The following UNC13B variants were observed in gnomAD, a reference collection of about 807,000 sequenced individuals.
UNC13B encodes protein unc-13 homolog B.
Under a neutral mutation model 211.0 loss-of-function variants are expected in UNC13B, and 144 were observed. That is an observed-to-expected ratio of 0.68 (90% confidence interval 0.60 to 0.78). The LOEUF (loss-of-function observed/expected upper bound fraction) is 0.78, where lower values mean the gene tolerates loss of function less well. Among genes scored for constraint, UNC13B ranks in the 30% least tolerant of loss-of-function variants. The pLI is 0.00. For missense variants in UNC13B, 1,777 were observed against 2,002.0 expected (o/e 0.89, Z 2.14); for synonymous variants, 709 against 725.8 (o/e 0.98, Z 0.37).
rs116766712 is a variant in UNC13B, at chr9:35,383,917, C to A, written c.10807-329C>A. On this transcript the variant is annotated intron_variant, in intron 21 of 39. Transcript: ENST00000635942. Reference sequence around the variant, plus strand: ...CTTCTTATCTAACTAAGATAAGTTACAGTCCCAAAGGTATAGAGATGCACT... The same window carrying A: ...CTTCTTATCTAACTAAGATAAGTTAAAGTCCCAAAGGTATAGAGATGCACT... Among the ~76,000 whole-genome samples the A allele has an allele frequency of 3.7e-3, 570 of 152,282 alleles. 4 individuals carry two copies. The highest frequency in any genetic ancestry group is 0.013 in the African/African-American group (549 of 41,542).
At chr9:35,355,922 C>T (rs973258541) in intron 11 of UNC13B, among the ~76,000 whole-genome samples, 5 of 152,216 alleles carry the variant, frequency 3.3e-5, no homozygotes, top group African/African-American at 1.2e-4. Flanking sequence ...GATGAGGACA[C>T]TTGTGTCTAA....
chr9:35,268,925 T>C (rs981660135), intron 7 of UNC13B, among the ~76,000 whole-genome samples: 1 of 152,204 alleles, frequency 6.6e-6, no homozygotes, highest in Admixed American at 6.5e-5. Context: ...TGCAAAATGA[T>C]GATTTTCTAA....
chr9:35,278,765 C>G (rs1828317700), intron 7 of UNC13B, among the ~76,000 whole-genome samples: 1 of 152,046 alleles, frequency 6.6e-6, no homozygotes, highest in Non-Finnish European at 1.5e-5. Context: ...GCATAAGGTA[C>G]AAAATTCGAT....
chr9:35,393,696 C>T (rs754650534), intron 26 of UNC13B, among the ~76,000 whole-genome samples: 6 of 151,518 alleles, frequency 4.0e-5, no homozygotes, highest in Non-Finnish European at 5.9e-5. Flanking sequence ...CTCAGCCACC[C>T]GAGTAGCTGG....
At chr9:35,378,526 T>C (rs967666027) in intron 17 of UNC13B, 90 bp downstream of exon 17, 38 of 1,550,488 alleles carry the variant, frequency 2.5e-5, no homozygotes, top group African/African-American at 1.1e-4. Flanking sequence ...AGCTTGAAGA[T>C]TGGGCAAAGG....
chr9:35,385,453 C>T (rs1835127274), intron 22 of UNC13B: 2 of 985,276 alleles, frequency 2.0e-6, no homozygotes, highest in African/African-American at 1.7e-5. Context: ...TTCCTTTGTA[C>T]AAGTGCTTAT....
chr9:35,298,625 G>A (rs888461286), intron 8 of UNC13B, among the ~76,000 whole-genome samples: 1 of 152,098 alleles, frequency 6.6e-6, no homozygotes, highest in African/African-American at 2.4e-5. Flanking sequence ...TGGCCTTCTG[G>A]AAGATTTTTA....
chr9:35,400,272 C>T, intron 36 of UNC13B, 24 bp from the exon 37 acceptor site: 1 of 1,611,150 alleles, frequency 6.2e-7, no homozygotes, highest in Non-Finnish European at 8.5e-7. Flanking sequence ...ATGAAGCAGT[C>T]ACGGGTGCTC....
At chr9:35,243,196 GACTTCAGTCATTAGACAGAGTA>G in intron 5 of UNC13B, 73 bp from the exon 6 acceptor site, 2 of 1,250,618 alleles carry the variant, frequency 1.6e-6, no homozygotes, top group Admixed American at 1.8e-5. Context: ...ACCACCTTCT[GACTTCAGTCATTAGACAGAGTA>G]AAGTGTTATC....
Position 35,303,299 on chromosome 9 carries a change from C to T in UNC13B, c.3895C>T (p.Gln1299Ter), listed in dbSNP as rs186948757. The T allele has an allele frequency of 5.0e-6, 2 of 398,608 alleles. No individual in the cohort carries two copies. The highest frequency in any genetic ancestry group is 4.4e-5 in the Admixed American group (1 of 22,728). 24.7% of individuals were successfully genotyped at this position (398,608 alleles called of 1,614,324 possible). The part of the protein sequence containing the change: ...NIVLHCAPSA[Q>*]LGFLEKSMAK... The stretch of plus-strand genomic sequence containing the variant: ...TGTACTTCACTGTGCTCCAAGTGCT[C>T]AGCTAGGTTTTTTGGAGAAATCTAT... Residue 1299 changes from glutamine (Q) to a stop codon, truncating the protein, a stop_gained, in exon 9 of 40, where the codon CAG (glutamine) becomes TAG (stop). Coordinates refer to ENST00000635942, the MANE Select transcript of UNC13B (RefSeq NM_001371189.2). LOFTEE classifies it high-confidence loss of function.
chr9:35,268,879 T>C (rs1166919475), intron 7 of UNC13B, among the ~76,000 whole-genome samples: 2 of 152,232 alleles, frequency 1.3e-5, no homozygotes, highest in Non-Finnish European at 2.9e-5. Flanking sequence ...TAGGATGTAT[T>C]ATGATCATTG....
In UNC13B at chr9:35,300,274, G is replaced by A; in HGVS notation, c.870G>A (p.Lys290=). The change falls in exon 9 of 40, where the codon AAG becomes AAA. Residue 290 remains lysine, a synonymous_variant. Transcript: ENST00000635942. ...AATATGGTGAGAGATCTGAAACTAAGACTAACTACAAAAGTACATATTCTA... is the reference window on the plus strand; with the variant it reads ...AATATGGTGAGAGATCTGAAACTAAAACTAACTACAAAAGTACATATTCTA... The part of the protein sequence containing the change: ...RRQYGERSET[K]TNYKSTYSNT... The A allele has an allele frequency of 2.5e-6, 1 of 398,824 alleles. No individual in the cohort carries two copies. Among genetic ancestry groups the A allele is most frequent in the Non-Finnish European group, 4.4e-6 (1 of 226,022 alleles). 24.7% of individuals were successfully genotyped at this position (398,824 alleles called of 1,614,324 possible).
intron 28 of UNC13B, 95 bp downstream of exon 28, chr9:35,397,032 G>A (rs951513766): frequency 5.0e-6 from 8 of 1,600,958 alleles, no homozygotes; most frequent in Non-Finnish European, 6.8e-6. Context: ...GGATGGCTAT[G>A]CCTGCCCTGT....
At chr9:35,367,792 A>G (rs1833869890) in intron 12 of UNC13B, among the ~76,000 whole-genome samples, 1 of 152,192 alleles carries the variant, frequency 6.6e-6, no homozygotes, top group Non-Finnish European at 1.5e-5. Flanking sequence ...ATTGTACCAG[A>G]GTCATTTTAA....
chr9:35,366,752 A>C (rs972313704), intron 11 of UNC13B, among the ~76,000 whole-genome samples, 195 bp from the exon 12 acceptor site: 5 of 152,124 alleles, frequency 3.3e-5, no homozygotes, highest in Admixed American at 3.3e-4. Flanking sequence ...CCAAGGAGAC[A>C]GGTACCACTC....
At chr9:35,396,326 G>C in intron 26 of UNC13B, 150 bp from the exon 27 acceptor site, 3 of 939,058 alleles carry the variant, frequency 3.2e-6, no homozygotes, top group Non-Finnish European at 4.7e-6. Context: ...AACACTGTTG[G>C]GGAGAGATGG....
At chr9:35,196,050 A>G (rs562542218) in intron 1 of UNC13B, among the ~76,000 whole-genome samples, 56 of 150,954 alleles carry the variant, frequency 3.7e-4, no homozygotes, top group African/African-American at 1.3e-3. Context: ...TTTCATTTCT[A>G]TCATTTAAAA....
rs1004864112 is a variant in UNC13B, at chr9:35,302,413, A to C, written c.3009A>C (p.Ser1003=). ...GTCCTGAAGATGCCAAACTTAGTTCAATAAAATCTGGTTCAGCTCCAAATA... is the reference window on the plus strand; with the variant it reads ...GTCCTGAAGATGCCAAACTTAGTTCCATAAAATCTGGTTCAGCTCCAAATA... ...VNCPEDAKLS[S]IKSGSAPNTQ... The change falls in exon 9 of 40, where the codon TCA becomes TCC. Residue 1003 remains serine, a synonymous_variant. Coordinates refer to ENST00000635942, the MANE Select transcript of UNC13B (RefSeq NM_001371189.2). The C allele has an allele frequency of 7.5e-6, 3 of 398,604 alleles. No individual in the cohort carries two copies. The highest frequency in any genetic ancestry group is 8.9e-6 in the Non-Finnish European group (2 of 225,820). The allele number at this position is 398,604 out of a possible 1,614,324, so 24.7% of individuals were successfully genotyped here.
At chr9:35,284,586 C>T (rs1828686956) in intron 7 of UNC13B, among the ~76,000 whole-genome samples, 2 of 152,140 alleles carry the variant, frequency 1.3e-5, no homozygotes, top group Admixed American at 1.3e-4. Flanking sequence ...ATCTATATCA[C>T]AAGTAACGTT....
Sources: allele counts gnomAD v4.1 joint callset (sites outside exome capture counted in the v4.1 genomes callset), GRCh38; gene constraint gnomAD v4.1.1; transcripts MANE v1.5; gene names NCBI Gene and HGNC (gene_info 2026-07-23, HGNC 2026-07-21).